The following CHLSN variants were observed in gnomAD, a reference collection of about 807,000 sequenced individuals.
The protein encoded by CHLSN is cholesin.
chr7:987,123 G>T, the CHLSN span: 17 of 1,564,234 alleles, frequency 1.1e-5, 1 homozygote, highest in East Asian at 4.0e-4. Context: ...GACCCCGAGG[G>T]CCTGTTTGCT....
chr7:1,020,665 C>T, the CHLSN span, among the ~76,000 whole-genome samples: 27 of 152,320 alleles, frequency 1.8e-4, no homozygotes, highest in Non-Finnish European at 3.4e-4. Context: ...ACCCACCTCC[C>T]GAGCAGGGAG....
At chr7:1,026,418 G>A in the CHLSN span, 2 of 152,254 alleles carry the variant, frequency 1.3e-5, no homozygotes, top group African/African-American at 4.8e-5. Flanking sequence ...CTCCCTGCCA[G>A]GCCCGTGTCC....
chr7:1,117,025 A>G, the CHLSN span, among the ~76,000 whole-genome samples: 10 of 59,640 alleles, frequency 1.7e-4, 1 homozygote, highest in South Asian at 5.7e-4. Context: ...TGACAGCACT[A>G]CAGTTCTACG....
chr7:1,137,028 C>T, the CHLSN span, among the ~76,000 whole-genome samples: 1 of 152,132 alleles, frequency 6.6e-6, no homozygotes, highest in Non-Finnish European at 1.5e-5. Flanking sequence ...GGTGTGTCAC[C>T]TCCACTCAAA....
chr7:987,595 G>A, the CHLSN span: 1 of 1,413,320 alleles, frequency 7.1e-7, no homozygotes, highest in Non-Finnish European at 9.4e-7. Context: ...GGGGTCCAGG[G>A]GCACTGGGAC....
chr7:1,114,871 G>A, the CHLSN span, among the ~76,000 whole-genome samples: 1 of 152,210 alleles, frequency 6.6e-6, no homozygotes, highest in African/African-American at 2.4e-5. Context: ...CCCCTGCCCC[G>A]CACAAAGCAG....
chr7:1,100,057 C>T, the CHLSN span, among the ~76,000 whole-genome samples: 1 of 152,246 alleles, frequency 6.6e-6, no homozygotes, highest in African/African-American at 2.4e-5. Context: ...GTTCTGTGCA[C>T]CGCAAGCCAA....
At chr7:1,126,245 C>CA in the CHLSN span, among the ~76,000 whole-genome samples, 10 of 148,204 alleles carry the variant, frequency 6.7e-5, no homozygotes, top group Non-Finnish European at 1.0e-4. Context: ...CCTGTAGTCC[C>CA]AGCTACTCAG....
chr7:1,034,023 G>A, the CHLSN span, among the ~76,000 whole-genome samples: 13 of 152,214 alleles, frequency 8.5e-5, no homozygotes, highest in African/African-American at 3.1e-4. Flanking sequence ...ATTTGCAAGC[G>A]GCATGACCGT....
the CHLSN span, among the ~76,000 whole-genome samples, chr7:1,060,324 C>A: frequency 6.6e-6 from 1 of 152,216 alleles, no homozygotes; most frequent in Non-Finnish European, 1.5e-5. Flanking sequence ...CGATCCCTGA[C>A]CTGAAGGGGT....
chr7:1,121,716 C>A, the CHLSN span, among the ~76,000 whole-genome samples: 12,615 of 152,338 alleles, frequency 0.083, 695 homozygotes, highest in South Asian at 0.13. Context: ...CCATGAAACA[C>A]CCAGGGCCAG....
chr7:1,097,603 G>C, the CHLSN span, among the ~76,000 whole-genome samples: 7 of 152,260 alleles, frequency 4.6e-5, no homozygotes, highest in Admixed American at 1.3e-4. The surrounding 1 kb of genome is among the most constrained non-coding windows in gnomAD (Gnocchi z 4.3). Context: ...GACGGGGGCA[G>C]GTAAGAGTCA....
At chr7:1,004,407 C>A in the CHLSN span, among the ~76,000 whole-genome samples, 1 of 152,200 alleles carries the variant, frequency 6.6e-6, no homozygotes, top group African/African-American at 2.4e-5. Flanking sequence ...CCAGAGCCCA[C>A]GCACGGTGAG....
chr7:1,009,374 C>T, the CHLSN span, among the ~76,000 whole-genome samples: 5 of 152,264 alleles, frequency 3.3e-5, no homozygotes, highest in East Asian at 1.9e-4. Flanking sequence ...TGGTAAGCGC[C>T]GGGGAGGTGG....
chr7:1,047,384 A>C, the CHLSN span, among the ~76,000 whole-genome samples: 2 of 152,366 alleles, frequency 1.3e-5, no homozygotes, highest in East Asian at 3.9e-4. Context: ...TAAAAAGCAA[A>C]AGGCTACAAA....
the CHLSN span, among the ~76,000 whole-genome samples, chr7:1,089,790 C>T: frequency 7.1e-6 from 1 of 139,930 alleles, no homozygotes; most frequent in Non-Finnish European, 1.5e-5. Flanking sequence ...CACTTCAAAA[C>T]AATAACCCCT....
chr7:1,122,924 G>A, the CHLSN span, among the ~76,000 whole-genome samples: 3 of 152,280 alleles, frequency 2.0e-5, no homozygotes, highest in Admixed American at 6.5e-5. Context: ...TAAGACCAGT[G>A]GGCAATCATA....
chr7:1,132,157 T>A, the CHLSN span, among the ~76,000 whole-genome samples: 1 of 152,234 alleles, frequency 6.6e-6, no homozygotes, highest in Admixed American at 6.5e-5. Context: ...CAATGGCCTC[T>A]TACATATGGC....
the CHLSN span, among the ~76,000 whole-genome samples, chr7:994,723 G>C: frequency 6.6e-6 from 1 of 152,224 alleles, no homozygotes; most frequent in Non-Finnish European, 1.5e-5. Context: ...ACAGGTGTGA[G>C]CCGCCGCACC....
Sources: allele counts gnomAD v4.1 joint callset (sites outside exome capture counted in the v4.1 genomes callset), GRCh38; gene constraint gnomAD v4.1.1; non-coding constraint Gnocchi (gnomAD v3.1); transcripts MANE v1.5; gene names NCBI Gene and HGNC (gene_info 2026-07-23, HGNC 2026-07-21).